TAFA5: variants seen among roughly 807,000 people sequenced by gnomAD.
TAFA5 encodes the protein TAFA chemokine like family member 5.
Under a neutral mutation model 15.3 loss-of-function variants are expected in TAFA5, and 6 were observed. The observed-to-expected ratio is 0.39, with a 90% confidence interval of 0.21 to 0.77. TAFA5 has a LOEUF of 0.77. TAFA5 is among the 30% of genes least tolerant of loss of function. TAFA5 has a pLI of 0.41. For missense variants in TAFA5, 161 were observed against 193.1 expected, an observed-to-expected ratio of 0.83 and a Z score of 0.98; for synonymous variants, 103 against 80.7, an observed-to-expected ratio of 1.28 and a Z score of -1.48.
rs372792094 is a variant in TAFA5 at position 48,500,429 on chromosome 22, G to A, written c.112+10725G>A. On this transcript the variant is annotated intron_variant, in intron 1 of 3. Transcript: ENST00000402357. ...TCTAGTGTGTTTTCAAATAGGGGACGGGTCACTTGGGCCACTGTGGAGCAA... is the reference window on the plus strand; with the variant it reads ...TCTAGTGTGTTTTCAAATAGGGGACAGGTCACTTGGGCCACTGTGGAGCAA... Among the ~76,000 whole-genome samples, 7 of 152,320 alleles carry A rather than the reference G, an allele frequency of 4.6e-5. No homozygotes were observed. In the East Asian group the frequency reaches 9.7e-4, roughly 21 times the overall value.
intron 2 of TAFA5, among the ~76,000 whole-genome samples, chr22:48,671,300 C>A (rs1256625440): frequency 3.3e-5 from 5 of 152,354 alleles, no homozygotes; most frequent in East Asian, 1.9e-4. Flanking sequence ...CGAACGGAGC[C>A]AAGTTGCCCC....
At chr22:48,594,782 G>A (rs557521301) in intron 1 of TAFA5, among the ~76,000 whole-genome samples, 3 of 152,348 alleles carry the variant, frequency 2.0e-5, no homozygotes, top group East Asian at 1.9e-4. Context: ...GCAGACAGAC[G>A]GATGGGCGTA....
At position 48,490,862 on chromosome 22, in the gene TAFA5, C is replaced by G. The variant is rs149531429; in HGVS notation, c.112+1158C>G. 6.3e-3 allele frequency among the ~76,000 whole-genome samples: 958 copies of G among 151,706 alleles called. 9 individuals are homozygous for G. Among genetic ancestry groups the G allele is most frequent in the African/African-American group, 0.021 (881 of 41,226 alleles). ...AGCCCCGGGCCTCCAAGCTCCCAGT[C>G]CGATCTGATCCTTCCGCTGTCGCCA... is the stretch of plus-strand genomic sequence containing the variant. On this transcript the variant is annotated intron_variant, in intron 1 of 3. Transcript: ENST00000402357. The surrounding 1 kb of genome is among the most constrained non-coding windows in gnomAD (Gnocchi z 5.8).
Position 48,646,904 on chromosome 22 carries a change from G to A in TAFA5, c.262+158G>A, listed in dbSNP as rs1242333614. Among the ~76,000 whole-genome samples, 7 of 152,228 alleles carry A rather than the reference G, an allele frequency of 4.6e-5. No individual in the cohort carries two copies. In the East Asian group the frequency reaches 1.4e-3, roughly 29 times the overall value. On this transcript the variant is annotated intron_variant, in intron 2 of 3. Transcript: ENST00000402357. The stretch of plus-strand genomic sequence containing the variant: ...GTTGGCACAGCTGTTCCCATGGATG[G>A]TGTGAGCTTGTGGCTTGGGGACTGG...
At chr22:48,723,812 G>C (rs1929639505) in intron 3 of TAFA5, among the ~76,000 whole-genome samples, 3 of 152,242 alleles carry the variant, frequency 2.0e-5, no homozygotes, top group African/African-American at 4.8e-5. Context: ...GCTCTGCTGT[G>C]CTCCTGGCCC....
At chr22:48,551,303 C>A (rs978109468) in intron 1 of TAFA5, among the ~76,000 whole-genome samples, 3 of 152,158 alleles carry the variant, frequency 2.0e-5, no homozygotes, top group African/African-American at 7.2e-5. Flanking sequence ...AAAACACCAG[C>A]CGAGGGCTGG....
chr22:48,737,228 T>G (rs932118705), intron 3 of TAFA5, among the ~76,000 whole-genome samples: 1 of 152,194 alleles, frequency 6.6e-6, no homozygotes, highest in Admixed American at 6.5e-5. Flanking sequence ...CCATTTGTCC[T>G]GAACGTGGAC....
chr22:48,559,122 C>A (rs1196495076), intron 1 of TAFA5, among the ~76,000 whole-genome samples: 2 of 152,290 alleles, frequency 1.3e-5, no homozygotes, highest in African/African-American at 4.8e-5. Flanking sequence ...AAGGAGGGAG[C>A]CCATACCAGG....
At chr22:48,700,046 TACAC>T (rs756767713) in intron 2 of TAFA5, among the ~76,000 whole-genome samples, 1 of 151,780 alleles carries the variant, frequency 6.6e-6, no homozygotes, top group Non-Finnish European at 1.5e-5. Context: ...ACACACCATA[TACAC>T]ACACACACAC....
At chr22:48,557,541 T>C (rs978808366) in intron 1 of TAFA5, among the ~76,000 whole-genome samples, 5 of 152,162 alleles carry the variant, frequency 3.3e-5, no homozygotes, top group African/African-American at 1.2e-4. Context: ...GGTGGTTAGA[T>C]TAGAGGTGAC....
At chr22:48,681,651 C>CAA (rs11327855) in intron 2 of TAFA5, among the ~76,000 whole-genome samples, 3,247 of 120,686 alleles carry the variant, frequency 0.027, 58 homozygotes, top group Non-Finnish European at 0.037. Context: ...ACTCCATCTC[C>CAA]AAAAAAAAAA....
chr22:48,685,159 A>G (rs1158849437), intron 2 of TAFA5, among the ~76,000 whole-genome samples: 2 of 152,190 alleles, frequency 1.3e-5, no homozygotes, highest in South Asian at 2.1e-4. Flanking sequence ...CTGATTGGCA[A>G]TTGGTTGAAA....
intron 1 of TAFA5, among the ~76,000 whole-genome samples, chr22:48,540,344 G>T (rs1286502819): frequency 6.6e-6 from 1 of 152,160 alleles, no homozygotes; most frequent in Non-Finnish European, 1.5e-5. Flanking sequence ...GAAAACCTCT[G>T]GAGGGGTGGG....
intron 3 of TAFA5, among the ~76,000 whole-genome samples, chr22:48,729,358 T>C (rs952890383): frequency 6.4e-5 from 9 of 139,970 alleles, no homozygotes; most frequent in African/African-American, 2.3e-4. Context: ...TTTATATTAG[T>C]ATATAATAAT....
intron 1 of TAFA5, chr22:48,539,433 A>G (rs1410808599): frequency 2.1e-6 from 1 of 471,040 alleles, no homozygotes; most frequent in Admixed American, 2.3e-5. Flanking sequence ...AGCTGTTTTG[A>G]TTTCCCTCTT....
chr22:48,645,595 C>A (rs1926832697), intron 1 of TAFA5, among the ~76,000 whole-genome samples: 1 of 152,006 alleles, frequency 6.6e-6, no homozygotes, highest in African/African-American at 2.4e-5. Context: ...CGGGGTCCTT[C>A]CTGCTTCCCT....
At chr22:48,540,970 C>T (rs1355854649) in intron 1 of TAFA5, among the ~76,000 whole-genome samples, 1 of 151,994 alleles carries the variant, frequency 6.6e-6, no homozygotes, top group Non-Finnish European at 1.5e-5. Flanking sequence ...GGACGTGAGG[C>T]TCCAGACCTG....
Position 48,552,024 on chromosome 22 carries a change from C to G in TAFA5, c.112+62320C>G, listed in dbSNP as rs1286629510. Among the ~76,000 whole-genome samples the G allele has an allele frequency of 6.6e-6, 1 of 152,356 alleles. No individual in the cohort carries two copies. Among genetic ancestry groups the G allele is most frequent in the Non-Finnish European group, 1.5e-5 (1 of 68,030 alleles). The stretch of plus-strand genomic sequence containing the variant: ...GGCCCCACGCCCTGCGATGGCCGTT[C>G]AGCTCTGACTGTCCTCCCGGCAGGA... On this transcript the variant is annotated intron_variant, in intron 1 of 3. Coordinates refer to ENST00000402357, the MANE Select transcript of TAFA5 (RefSeq NM_001082967.3). This position sits in a 1 kb window ranked among gnomAD's most constrained non-coding sequence, Gnocchi z 4.1.
In TAFA5 at chr22:48,675,524, G is replaced by A. The variant is rs1288037001; in HGVS notation, c.262+28778G>A. ...AGGGCAGCAAAAGGGGAAATAGGCT[G>A]GAGAAGCTTTGCCCAGACAAGTGGA... On this transcript the variant is annotated intron_variant, in intron 2 of 3. Transcript: ENST00000402357. 4.6e-5 allele frequency among the ~76,000 whole-genome samples: 7 copies of A among 152,390 alleles called. No individual in the cohort carries two copies. The East Asian group carries it at 9.6e-4, about 21-fold the overall frequency.
Sources: gnomAD v4.1 joint callset for allele counts (sites outside exome capture counted in the v4.1 genomes callset) on GRCh38, gnomAD v4.1.1 for gene constraint, Gnocchi (gnomAD v3.1) non-coding constraint, MANE v1.5 for transcripts, NCBI Gene and HGNC (gene_info 2026-07-23, HGNC 2026-07-21) for gene names.